Variants in LMCD1 observed in about 807,000 individuals in gnomAD.
The protein encoded by LMCD1 is LIM and cysteine-rich domains protein 1.
Under a neutral mutation model 42.7 loss-of-function variants are expected in LMCD1, and 32 were observed. The ratio of observed to expected loss-of-function variants is 0.75; its 90% CI spans 0.57 to 1.01. The LOEUF (loss-of-function observed/expected upper bound fraction) is 1.01, where lower values mean the gene tolerates loss of function less well. LMCD1 is among the 50% of genes least tolerant of loss of function. The pLI is 0.00. For synonymous variants in LMCD1, 178 were observed against 184.9 expected, an observed-to-expected ratio of 0.96 and a Z score of 0.30; for missense variants, 458 against 483.1, an observed-to-expected ratio of 0.95 and a Z score of 0.49.
At chr3:8,548,545 C>G in intron 3 of LMCD1, 23 bp from the exon 4 acceptor site, 1 of 1,547,120 alleles carries the variant, frequency 6.5e-7, no homozygotes, top group Non-Finnish European at 8.8e-7. Flanking sequence ...ATCATGTTGT[C>G]TCTTCCTCCT....
chr3:8,537,934 A>G (rs1404996416), intron 3 of LMCD1, among the ~76,000 whole-genome samples: 1 of 152,164 alleles, frequency 6.6e-6, no homozygotes, highest in Non-Finnish European at 1.5e-5. Flanking sequence ...CTTGAACAAA[A>G]GCAACCAGAG....
chr3:8,558,379 A>T (rs992898334), intron 4 of LMCD1, among the ~76,000 whole-genome samples: 1 of 152,236 alleles, frequency 6.6e-6, no homozygotes, highest in Non-Finnish European at 1.5e-5. Context: ...CTTTCATTTC[A>T]ATTAAGAATC....
intron 1 of LMCD1, among the ~76,000 whole-genome samples, chr3:8,531,897 C>G (rs994851032): frequency 6.6e-6 from 1 of 152,170 alleles, no homozygotes; most frequent in Admixed American, 6.5e-5. Context: ...CGTCCCCACC[C>G]CAACCCCAAT....
At chr3:8,537,475 C>T (rs1024943790) in intron 3 of LMCD1, 35 bp downstream of exon 3, 1 of 1,524,648 alleles carries the variant, frequency 6.6e-7, no homozygotes, top group Non-Finnish European at 8.8e-7. Context: ...AGTTGTTTTC[C>T]TATCCTCATA....
At chr3:8,542,749 T>C (rs1384801160) in intron 3 of LMCD1, among the ~76,000 whole-genome samples, 1 of 152,260 alleles carries the variant, frequency 6.6e-6, no homozygotes, top group Non-Finnish European at 1.5e-5. Flanking sequence ...TAGCTGTCTC[T>C]ATCACATACT....
At chr3:8,549,973 A>T in intron 4 of LMCD1, 1 of 1,367,806 alleles carries the variant, frequency 7.3e-7, no homozygotes, top group Non-Finnish European at 1.0e-6. Context: ...ATCATCTCTT[A>T]AAGGCCCCAC....
In LMCD1 at chr3:8,548,798, C is replaced by T. The variant is rs1310844204; in HGVS notation, c.618C>T (p.Gly206=). Reference sequence around the variant, plus strand: ...AAGTGGCCCTCCCGGGGCAGGGTGGCTTGCCCAAGGAGGAGGGGAAGCAGC... The same window carrying T: ...AAGTGGCCCTCCCGGGGCAGGGTGGTTTGCCCAAGGAGGAGGGGAAGCAGC... ...VGEVALPGQG[G]LPKEEGKQQE... is the part of the protein sequence containing the mutation. Residue 206 remains glycine, a synonymous_variant, in exon 4 of 6, where the codon GGC becomes GGT. Coordinates refer to ENST00000157600, the MANE Select transcript of LMCD1 (RefSeq NM_014583.4). The T allele has an allele frequency of 1.2e-6, 2 of 1,609,902 alleles. No individual in the cohort carries two copies. Among genetic ancestry groups the T allele is most frequent in the Non-Finnish European group, 1.7e-6 (2 of 1,176,694 alleles).
chr3:8,532,994 A>G (rs1233918883), intron 2 of LMCD1, among the ~76,000 whole-genome samples, 169 bp downstream of exon 2: 2 of 152,102 alleles, frequency 1.3e-5, no homozygotes, highest in Non-Finnish European at 2.9e-5. Flanking sequence ...AAACGAAAAA[A>G]GTCCTTGGGG....
intron 1 of LMCD1, among the ~76,000 whole-genome samples, chr3:8,509,691 C>T (rs1047004480): frequency 4.6e-5 from 7 of 152,188 alleles, no homozygotes; most frequent in Non-Finnish European, 8.8e-5. Context: ...AACACACACA[C>T]ATACCTCTCC....
intron 1 of LMCD1, among the ~76,000 whole-genome samples, chr3:8,502,310 TAAAATATATATTA>T (rs1693747421): frequency 3.7e-5 from 1 of 26,832 alleles, no homozygotes; most frequent in South Asian, 6.5e-4. Flanking sequence ...ATATAATATA[TAAAATATATATTA>T]TATATAATAT....
At chr3:8,516,574 T>TA (rs943508708) in intron 1 of LMCD1, among the ~76,000 whole-genome samples, 19 of 152,148 alleles carry the variant, frequency 1.2e-4, no homozygotes, top group African/African-American at 4.6e-4. Flanking sequence ...CCTGAAAACT[T>TA]AGAGTTGGCA....
At chr3:8,559,990 A>G (rs937205875) in intron 4 of LMCD1, among the ~76,000 whole-genome samples, 1 of 152,232 alleles carries the variant, frequency 6.6e-6, no homozygotes, top group Non-Finnish European at 1.5e-5. Context: ...GTGCTTTCCA[A>G]CGGATGAGAA....
chr3:8,560,016 C>A (rs1384787244), intron 4 of LMCD1, among the ~76,000 whole-genome samples: 2 of 152,222 alleles, frequency 1.3e-5, no homozygotes, highest in African/African-American at 2.4e-5. Context: ...CAAACAAGCT[C>A]TGTGAACAAG....
At position 8,537,357 on chromosome 3, in the gene LMCD1, A is replaced by G; in HGVS notation, c.304A>G (p.Thr102Ala). ...TTACAAGAGGAACCGGATGATCATG[A>G]CCAACCCTATTGCTACTGGGAAAGA... ...RIYKRNRMIM[T>A]NPIATGKDPT... The change falls in exon 3 of 6, where the codon ACC becomes GCC. Residue 102 changes from threonine (T) to alanine (A), a missense_variant. Thr to Ala is a moderately conservative substitution (Grantham distance 58, BLOSUM62 0). Transcript: ENST00000157600. 1 of 1,614,134 alleles carries G rather than the reference A, an allele frequency of 6.2e-7. No individual in the cohort carries two copies. Among genetic ancestry groups the G allele is most frequent in the Non-Finnish European group, 8.5e-7 (1 of 1,179,990 alleles).
chr3:8,566,457 A>T (rs937341406), intron 5 of LMCD1, among the ~76,000 whole-genome samples: 1 of 152,192 alleles, frequency 6.6e-6, no homozygotes, highest in African/African-American at 2.4e-5. Context: ...TGAAGTTAAG[A>T]CCCTGTAGTC....
intron 1 of LMCD1, among the ~76,000 whole-genome samples, chr3:8,506,753 G>A (rs922963062): frequency 6.6e-6 from 1 of 152,058 alleles, no homozygotes; most frequent in East Asian, 1.9e-4. Flanking sequence ...TTCTGGCAGG[G>A]GCGTGAGTCA....
intron 1 of LMCD1, among the ~76,000 whole-genome samples, chr3:8,507,297 T>C (rs1185221821): frequency 6.6e-6 from 1 of 152,244 alleles, no homozygotes; most frequent in African/African-American, 2.4e-5. Flanking sequence ...GAGTCTCCTG[T>C]GTTCACCAAG....
intron 5 of LMCD1, among the ~76,000 whole-genome samples, chr3:8,566,462 G>A (rs898241578): frequency 6.6e-6 from 1 of 152,162 alleles, no homozygotes; most frequent in East Asian, 1.9e-4. Flanking sequence ...TTAAGACCCT[G>A]TAGTCCTCTT....
At chr3:8,502,311 A>ATT (rs1559342079) in intron 1 of LMCD1, among the ~76,000 whole-genome samples, 1 of 28,056 alleles carries the variant, frequency 3.6e-5, no homozygotes, top group Non-Finnish European at 6.9e-5. Flanking sequence ...TATAATATAT[A>ATT]AAATATATAT....
Sources: gnomAD v4.1 joint callset for allele counts (sites outside exome capture counted in the v4.1 genomes callset) on GRCh38, gnomAD v4.1.1 for gene constraint, MANE v1.5 for transcripts, NCBI Gene and HGNC (gene_info 2026-07-23, HGNC 2026-07-21) for gene names.